Variants in PARD3B observed in about 807,000 individuals in gnomAD.
The protein encoded by PARD3B is partitioning defective 3 homolog B.
PARD3B carries 103 observed loss-of-function variants against 130.2 expected under a neutral mutation model. The observed-to-expected ratio is 0.79, with a 90% CI of 0.67 to 0.93. PARD3B has a LOEUF of 0.93. PARD3B is among the 40% of genes least tolerant of loss of function. The pLI is 0.00. For synonymous variants in PARD3B, 583 were observed against 553.2 expected (o/e 1.05, Z -0.76); for missense variants, 1,609 against 1,499.2 (o/e 1.07, Z -1.21).
At chr2:204,815,508 AT>A (rs1041318533) in intron 2 of PARD3B, among the ~76,000 whole-genome samples, 3 of 151,758 alleles carry the variant, frequency 2.0e-5, no homozygotes, top group Non-Finnish European at 4.4e-5. Flanking sequence ...TTTCTGTATT[AT>A]TTCTGCTTTC....
chr2:205,376,409 A>G (rs1003216044), intron 18 of PARD3B, among the ~76,000 whole-genome samples: 1 of 117,246 alleles, frequency 8.5e-6, no homozygotes, highest in Non-Finnish European at 2.0e-5. Context: ...CTGGCCCATT[A>G]CCCACCCCTA....
intron 16 of PARD3B, among the ~76,000 whole-genome samples, chr2:205,278,064 TAGGA>T (rs1450798799): frequency 6.6e-6 from 1 of 151,886 alleles, no homozygotes; most frequent in Non-Finnish European, 1.5e-5. Context: ...GGATTTCAAG[TAGGA>T]AGGGTTAAGC....
At chr2:204,996,856 G>C (rs570234216) in intron 3 of PARD3B, among the ~76,000 whole-genome samples, 1 of 147,256 alleles carries the variant, frequency 6.8e-6, no homozygotes, top group East Asian at 2.0e-4. Flanking sequence ...AGGTGCGTCC[G>C]TCACCCCTTT....
In PARD3B at chr2:204,677,289, G is replaced by A. The variant is rs889937314; in HGVS notation, c.121-8892G>A. On this transcript the variant is annotated intron_variant, in intron 1 of 22. Coordinates refer to ENST00000406610, the MANE Select transcript of PARD3B (RefSeq NM_001302769.2). The surrounding 1 kb of genome is among the most constrained non-coding windows in gnomAD (Gnocchi z 4.1). ...TCCAAGTCTAGATTAAAAACAGGTA[G>A]CATTGGCCTTATTCAGAGGACGTAT... 2.0e-5 allele frequency among the ~76,000 whole-genome samples: 3 copies of A among 152,178 alleles called. No homozygotes were observed. The highest frequency in any genetic ancestry group is 4.4e-5 in the Non-Finnish European group (3 of 68,026).
chr2:204,825,627 G>T (rs1238110298), intron 2 of PARD3B, among the ~76,000 whole-genome samples: 2 of 152,194 alleles, frequency 1.3e-5, no homozygotes, highest in Admixed American at 1.3e-4. Context: ...CTTACCTGAG[G>T]ATCTGGCATT....
At chr2:204,998,983 C>T (rs1323741360) in intron 3 of PARD3B, among the ~76,000 whole-genome samples, 2 of 152,154 alleles carry the variant, frequency 1.3e-5, no homozygotes, top group Non-Finnish European at 2.9e-5. Context: ...GCGTGAGGCA[C>T]CATGCCTGGC....
rs917039175 is a variant in PARD3B at position 205,244,986 on chromosome 2, A to G, written c.2141-792A>G. On this transcript the variant is annotated intron_variant, in intron 15 of 22. Transcript: ENST00000406610. This position sits in a 1 kb window ranked among gnomAD's most constrained non-coding sequence, Gnocchi z 4.7. Reference sequence around the variant, plus strand: ...CTTGGGTTAATTTTCTTACACACATATGATCATCAGTATTCAACTACATAT... The same window carrying G: ...CTTGGGTTAATTTTCTTACACACATGTGATCATCAGTATTCAACTACATAT... Among the ~76,000 whole-genome samples the G allele has an allele frequency of 1.3e-5, 2 of 152,228 alleles. No homozygotes were observed. The highest frequency in any genetic ancestry group is 1.9e-4 in the East Asian group (1 of 5,190).
At chr2:204,739,529 A>G (rs1043197629) in intron 2 of PARD3B, among the ~76,000 whole-genome samples, 1 of 152,106 alleles carries the variant, frequency 6.6e-6, no homozygotes, top group African/African-American at 2.4e-5. Context: ...ATCATAGCTC[A>G]CTACAGCCTC....
chr2:205,199,842 C>G (rs755724588), intron 15 of PARD3B, among the ~76,000 whole-genome samples: 5 of 152,070 alleles, frequency 3.3e-5, no homozygotes, highest in Admixed American at 6.6e-5. Context: ...CCCTGATCAT[C>G]AGAAATTATG....
chr2:205,162,741 A>G (rs951970160), intron 11 of PARD3B, among the ~76,000 whole-genome samples: 1 of 152,174 alleles, frequency 6.6e-6, no homozygotes. Context: ...TTGCAGTTAG[A>G]AAAAATACCT....
intron 18 of PARD3B, among the ~76,000 whole-genome samples, chr2:205,374,350 C>A (rs994243494): frequency 1.1e-4 from 17 of 152,072 alleles, no homozygotes; most frequent in Non-Finnish European, 2.5e-4. Flanking sequence ...TCAAGCAATT[C>A]TCCTGCCTCC....
At chr2:205,171,163 TAGC>T (rs559164476) in intron 11 of PARD3B, among the ~76,000 whole-genome samples, 1 of 152,144 alleles carries the variant, frequency 6.6e-6, no homozygotes, top group Non-Finnish European at 1.5e-5. Flanking sequence ...TTGACTTTAT[TAGC>T]AGCAGCAGCA....
chr2:204,800,116 A>G (rs2042515055), intron 2 of PARD3B, among the ~76,000 whole-genome samples: 1 of 152,228 alleles, frequency 6.6e-6, no homozygotes, highest in African/African-American at 2.4e-5. Context: ...GAGGAAGATC[A>G]GTGAAATTGA....
At chr2:204,838,790 G>C (rs919957746) in intron 2 of PARD3B, among the ~76,000 whole-genome samples, 2 of 152,048 alleles carry the variant, frequency 1.3e-5, no homozygotes, top group African/African-American at 4.8e-5. Context: ...ATCTTTAAAA[G>C]TATGAATGTA....
intron 4 of PARD3B, among the ~76,000 whole-genome samples, chr2:205,050,409 T>C (rs1699109795): frequency 6.6e-6 from 1 of 151,682 alleles, no homozygotes; most frequent in Admixed American, 6.6e-5. Flanking sequence ...TGTGTGTATA[T>C]ATGTGTGTTA....
At chr2:204,963,220 G>A (rs566578093) in intron 2 of PARD3B, among the ~76,000 whole-genome samples, 6 of 152,096 alleles carry the variant, frequency 3.9e-5, no homozygotes, top group Non-Finnish European at 5.9e-5. Context: ...TGATAAATAG[G>A]TATAATATTC....
At chr2:205,598,813 C>A (rs2054668614) in intron 22 of PARD3B, among the ~76,000 whole-genome samples, 1 of 152,196 alleles carries the variant, frequency 6.6e-6, no homozygotes, top group Non-Finnish European at 1.5e-5. Context: ...CCAAGAGGAT[C>A]TGTCAAAACC....
chr2:205,379,176 C>G (rs538708353), intron 18 of PARD3B, among the ~76,000 whole-genome samples: 1 of 152,292 alleles, frequency 6.6e-6, no homozygotes, highest in South Asian at 2.1e-4. Flanking sequence ...TTCTCAAAGG[C>G]TCCATAATTC....
At chr2:204,936,372 G>A (rs1688459059) in intron 2 of PARD3B, among the ~76,000 whole-genome samples, 1 of 152,076 alleles carries the variant, frequency 6.6e-6, no homozygotes, top group Non-Finnish European at 1.5e-5. Context: ...AATTGACAAA[G>A]GTAAAATATT....
Sources: gnomAD v4.1 joint callset for allele counts (sites outside exome capture counted in the v4.1 genomes callset) on GRCh38, gnomAD v4.1.1 for gene constraint, Gnocchi (gnomAD v3.1) non-coding constraint, MANE v1.5 for transcripts, NCBI Gene and HGNC (gene_info 2026-07-23, HGNC 2026-07-21) for gene names.